SCGB2A2: variants seen among roughly 807,000 people sequenced by gnomAD.
SCGB2A2 encodes mammaglobin-A.
In SCGB2A2, 11 loss-of-function variants were observed where a neutral mutation model predicts 8.8. That is an observed-to-expected ratio of 1.25 (90% CI 0.79 to 2.07). The LOEUF is 2.07. SCGB2A2 is among the 30% of genes most tolerant of loss of function. The pLI is 0.00. For missense variants in SCGB2A2, 113 were observed against 109.9 expected (o/e 1.03, Z -0.13); for synonymous variants, 42 against 40.9 (o/e 1.03, Z -0.10).
In SCGB2A2 at chr11:62,270,287, G is replaced by A. The variant is rs377113443; in HGVS notation, c.55+16G>A. ...TGCTACGCAGGTGAGTTCTGTGCAG[G>A]GAGGGCTGCCTCGGGGTTAGGGGTT... is the stretch of plus-strand genomic sequence containing the variant. On this transcript the variant is annotated intron_variant, in intron 1 of 2. Transcript: ENST00000227918. The A allele has an allele frequency of 6.6e-5, 107 of 1,612,702 alleles. No homozygotes were observed. In the African/African-American group the frequency reaches 1.3e-3, roughly 19 times the overall value.
At position 62,272,893 on chromosome 11, in the gene SCGB2A2, T is replaced by G. The variant is rs1255851778; in HGVS notation, c.244-64T>G. The G allele has an allele frequency of 1.8e-5, 23 of 1,264,976 alleles. No homozygotes were observed. The East Asian group carries it at 5.3e-4, about 29-fold the overall frequency. The allele number at this position is 1,264,976 out of a possible 1,614,324, so 78.4% of individuals were successfully genotyped here. A position where few individuals can be genotyped will look rare whatever the true frequency, so the allele number is the denominator to read the frequency against. On this transcript the variant is annotated intron_variant, in intron 2 of 2. Transcript: ENST00000227918. ...GTGGAAAAAGATAAGCTTCTGTTTT[T>G]CAAGATTTTATTTTGTTAGAGAGTG...
Sources: gnomAD v4.1 joint callset for allele counts on GRCh38, gnomAD v4.1.1 for gene constraint, MANE v1.5 for transcripts, NCBI Gene and HGNC (gene_info 2026-07-23, HGNC 2026-07-21) for gene names.